The following RAD52 variants were observed in gnomAD, a reference collection of about 807,000 sequenced individuals.
RAD52 encodes RAD52 DNA repair protein.
In RAD52, 47 loss-of-function variants were observed where a neutral mutation model predicts 55.5. That is an observed-to-expected ratio of 0.85 (90% CI 0.67 to 1.08). RAD52 has a LOEUF of 1.08. RAD52 is among the 50% of genes least tolerant of loss of function. The pLI, the probability that RAD52 is intolerant of heterozygous loss-of-function variation, is 0.00. For synonymous variants in RAD52, 184 were observed against 198.9 expected, an observed-to-expected ratio of 0.92 and a Z score of 0.63; for missense variants, 468 against 522.8, an observed-to-expected ratio of 0.90 and a Z score of 1.02.
intron 7 of RAD52, among the ~76,000 whole-genome samples, chr12:924,703 T>G (rs921493952): frequency 3.3e-5 from 5 of 152,116 alleles, no homozygotes. Context: ...TCAGATCACG[T>G]TATAGGTATT....
chr12:930,559 C>T (rs924771234), intron 3 of RAD52, among the ~76,000 whole-genome samples: 2 of 151,214 alleles, frequency 1.3e-5, no homozygotes, highest in Admixed American at 6.6e-5. Context: ...AAAATATACA[C>T]AGAAGTTAAA....
chr12:942,316 C>T (rs748247401), intron 1 of RAD52, among the ~76,000 whole-genome samples: 4 of 152,120 alleles, frequency 2.6e-5, no homozygotes, highest in African/African-American at 7.2e-5. Context: ...ATTTCCAAAA[C>T]GCAATACAAT....
intron 7 of RAD52, among the ~76,000 whole-genome samples, chr12:920,559 C>CAAAAA (rs35033819): frequency 3.8e-5 from 4 of 105,838 alleles, no homozygotes; most frequent in Non-Finnish European, 7.9e-5. Context: ...GACTCCGTCT[C>CAAAAA]AAAAAAAAAA....
At chr12:984,747 C>T (rs1413936045) in intron 1 of RAD52, among the ~76,000 whole-genome samples, 1 of 151,978 alleles carries the variant, frequency 6.6e-6, no homozygotes, top group Admixed American at 6.6e-5. Flanking sequence ...TCACTGCAAG[C>T]TCCGCCTCCC....
rs1852570145 is a variant in RAD52 at position 929,889 on chromosome 12, A to G, written c.281-3T>C. On this transcript the variant is annotated splice_region_variant and splice_polypyrimidine_tract_variant and intron_variant, in intron 4 of 11. Transcript: ENST00000358495. ...GCCATTGTTGAGGTCAACAAAATCTAGGAGTGGGAAAGAGAGCAAGTTGAA... is the reference window on the plus strand; with the variant it reads ...GCCATTGTTGAGGTCAACAAAATCTGGGAGTGGGAAAGAGAGCAAGTTGAA... 1.2e-6 allele frequency: 2 copies of G among 1,613,110 alleles called. No individual in the cohort carries two copies. The highest frequency in any genetic ancestry group is 1.7e-6 in the Non-Finnish European group (2 of 1,179,194).
chr12:931,362 A>G, intron 2 of RAD52, 41 bp from the exon 3 acceptor site: 1 of 1,410,298 alleles, frequency 7.1e-7, no homozygotes, highest in African/African-American at 1.4e-5. Context: ...CACTTCCACC[A>G]TTCCTCACAT....
chr12:966,448 G>A (rs1958771121), intron 1 of RAD52, among the ~76,000 whole-genome samples: 1 of 152,050 alleles, frequency 6.6e-6, no homozygotes, highest in South Asian at 2.1e-4. Context: ...AAAGATGGGA[G>A]CCTGGGCTCC....
intron 1 of RAD52, among the ~76,000 whole-genome samples, chr12:969,059 T>C (rs60762427): frequency 0.073 from 11,160 of 152,164 alleles, 458 homozygotes; most frequent in African/African-American, 0.097. Context: ...CATTATTCCC[T>C]AAACAATACA....
At chr12:918,736 C>T (rs1956544927) in intron 7 of RAD52, among the ~76,000 whole-genome samples, 1 of 151,828 alleles carries the variant, frequency 6.6e-6, no homozygotes, top group South Asian at 2.1e-4. Context: ...GCGGTTTGCT[C>T]AGAGTGGGAA....
intron 1 of RAD52, among the ~76,000 whole-genome samples, chr12:946,133 C>T (rs1958214885): frequency 6.6e-6 from 1 of 152,162 alleles, no homozygotes; most frequent in African/African-American, 2.4e-5. Flanking sequence ...ATACACTAAT[C>T]ACTGAATCCC....
rs766699217 is a variant in RAD52, at chr12:916,760, C to G, written c.604G>C (p.Glu202Gln). 1.2e-6 allele frequency: 2 copies of G among 1,614,166 alleles called. No individual in the cohort carries two copies. The highest frequency in any genetic ancestry group is 3.3e-5 in the Admixed American group (2 of 60,026). The part of the protein sequence containing the change: ...KRQDLEPSVE[E>Q]ARYNSCRPNM... ...GGTCGGCAGCTGTTGTATCTTGCCT[C>G]CTCCACAGACGGTTCAAGATCTTGT... The change falls in exon 8 of 12, where the codon GAG (glutamate) becomes CAG (glutamine). Residue 202 changes from glutamate to glutamine, a missense_variant. Glu to Gln is a conservative substitution (Grantham distance 29). Transcript: ENST00000358495.
intron 1 of RAD52, among the ~76,000 whole-genome samples, chr12:980,874 G>C (rs1258680603): frequency 6.6e-6 from 1 of 152,080 alleles, no homozygotes; most frequent in African/African-American, 2.4e-5. Flanking sequence ...ACTTCAACAT[G>C]AGTTTTGGGG....
At chr12:955,849 C>T (rs987812032) in intron 1 of RAD52, among the ~76,000 whole-genome samples, 1 of 151,864 alleles carries the variant, frequency 6.6e-6, no homozygotes, top group Non-Finnish European at 1.5e-5. Context: ...GGCACCATCT[C>T]GGCTCACTGC....
chr12:932,985 C>G lies in RAD52; in HGVS notation c.74G>C (p.Cys25Ser). ...HPAAGGGSVLCFGQCQYTAEE... is the reference protein window; with the variant it reads ...HPAAGGGSVLSFGQCQYTAEE... Reference sequence around the variant, plus strand: ...AGGAACCACAGTTACCTGTCCAAAGCATAACACTGAGCCGCCGCCAGCAGC... The same window carrying G: ...AGGAACCACAGTTACCTGTCCAAAGGATAACACTGAGCCGCCGCCAGCAGC... The change falls in exon 2 of 12, where the codon TGC becomes TCC. Residue 25 changes from cysteine to serine, a missense_variant. Transcript: ENST00000358495. The G allele has an allele frequency of 6.2e-7, 1 of 1,613,916 alleles. No individual in the cohort carries two copies.
chr12:923,268 C>T (rs995191389), intron 7 of RAD52, among the ~76,000 whole-genome samples: 4 of 151,618 alleles, frequency 2.6e-5, no homozygotes, highest in Admixed American at 2.6e-4. Context: ...GCTCCAGGTA[C>T]AGTGGCCCAC....
At chr12:964,009 A>G (rs1038596610) in intron 1 of RAD52, among the ~76,000 whole-genome samples, 5 of 152,100 alleles carry the variant, frequency 3.3e-5, no homozygotes, top group African/African-American at 1.2e-4. Flanking sequence ...CAGAGGGAAC[A>G]GCATGGAGCA....
upstream of RAD52, among the ~76,000 whole-genome samples, chr12:950,526 C>T (rs980201368): frequency 6.6e-6 from 1 of 151,362 alleles, no homozygotes. Flanking sequence ...GAGCCGAGAT[C>T]GCCCCACTGC....
In RAD52 at chr12:913,940, A is replaced by G. The variant is rs1368001653; in HGVS notation, c.1149T>C (p.Ser383=). ...TATAAGTTTGGAGGTCCCAAGATCC[A>G]GATTTTGCTTGTGGTTTCTGGTGGC... ...SVCHQKPQAK[S]GSWDLQTYSA... The change falls in exon 11 of 12, where the codon TCT becomes TCC. Residue 383 remains serine (S), a synonymous_variant. Coordinates refer to ENST00000358495, the MANE Select transcript of RAD52 (RefSeq NM_134424.4). 1.9e-6 allele frequency: 3 copies of G among 1,614,076 alleles called. No homozygotes were observed. Among genetic ancestry groups the G allele is most frequent in the African/African-American group, 2.7e-5 (2 of 74,924 alleles).
chr12:926,671 A>G (rs1055272329), intron 6 of RAD52: 10 of 1,069,640 alleles, frequency 9.3e-6, no homozygotes, highest in Non-Finnish European at 1.3e-5. Flanking sequence ...TACAGTCCAC[A>G]GAATCATAAG....
Sources: allele counts gnomAD v4.1 joint callset (sites outside exome capture counted in the v4.1 genomes callset), GRCh38; gene constraint gnomAD v4.1.1; transcripts MANE v1.5; gene names NCBI Gene and HGNC (gene_info 2026-07-23, HGNC 2026-07-21).